Variants in NTM observed in about 807,000 individuals in gnomAD.
NTM encodes IgLON family member 2.
A neutral mutation model predicts 42.1 loss-of-function variants in NTM; 13 were observed. The observed-to-expected ratio is 0.31, with a 90% CI of 0.20 to 0.49. The LOEUF (loss-of-function observed/expected upper bound fraction) is 0.49, where lower values mean the gene tolerates loss of function less well. Among genes scored for constraint, NTM ranks in the 20% least tolerant of loss-of-function variants. The pLI is 0.99. For synonymous variants in NTM, 187 were observed against 179.2 expected, an observed-to-expected ratio of 1.04 and a Z score of -0.35; for missense variants, 373 against 452.8, an observed-to-expected ratio of 0.82 and a Z score of 1.60.
chr11:132,268,968 G>A (rs184363843), intron 4 of NTM, among the ~76,000 whole-genome samples: 107 of 152,080 alleles, frequency 7.0e-4, no homozygotes, highest in African/African-American at 2.3e-3. Flanking sequence ...GGGCATAATC[G>A]AAGGATCATC....
intron 4 of NTM, among the ~76,000 whole-genome samples, chr11:132,281,082 G>A (rs2093957085): frequency 6.6e-6 from 1 of 151,952 alleles, no homozygotes; most frequent in Non-Finnish European, 1.5e-5. Context: ...AATTTTATTT[G>A]GCATATGCTG....
chr11:132,084,528 A>G (rs1353718435), intron 2 of NTM, among the ~76,000 whole-genome samples: 1 of 152,218 alleles, frequency 6.6e-6, no homozygotes, highest in Non-Finnish European at 1.5e-5. Context: ...AGAGAGTTCA[A>G]GAAAGACAAC....
At position 131,610,246 on chromosome 11, in the gene NTM, G is replaced by A. The variant is rs1007483787; in HGVS notation, c.82+239358G>A. Among the ~76,000 whole-genome samples the A allele has an allele frequency of 9.8e-5, 15 of 152,322 alleles. No homozygotes were observed. The South Asian group carries it at 1.7e-3, about 17-fold the overall frequency. On this transcript the variant is annotated intron_variant, in intron 1 of 8. Coordinates refer to ENST00000683400, the MANE Select transcript of NTM (RefSeq NM_001352005.2). Reference sequence around the variant, plus strand: ...GTAAATGGAGTGCCTCCTCCACAGGGCAGGATGCTGCAAGCCCCTCATGGG... The same window carrying A: ...GTAAATGGAGTGCCTCCTCCACAGGACAGGATGCTGCAAGCCCCTCATGGG...
chr11:131,421,015 C>A (rs894249251), intron 1 of NTM, among the ~76,000 whole-genome samples: 1 of 152,056 alleles, frequency 6.6e-6, no homozygotes, highest in African/African-American at 2.4e-5. Flanking sequence ...TCATCCCAAG[C>A]AGATGGAGTG....
chr11:131,933,640 G>A, intron 2 of NTM, among the ~76,000 whole-genome samples: 1 of 151,872 alleles, frequency 6.6e-6, no homozygotes, highest in South Asian at 2.1e-4. Flanking sequence ...TATTAAGTTA[G>A]TGCTTTAGTG....
intron 2 of NTM, among the ~76,000 whole-genome samples, chr11:131,939,571 G>A (rs186985743): frequency 2.0e-5 from 3 of 152,178 alleles, no homozygotes; most frequent in South Asian, 2.1e-4. Context: ...GGAGTATGGC[G>A]CTGGAGAGCA....
intron 1 of NTM, among the ~76,000 whole-genome samples, chr11:131,467,209 A>G (rs1161613733): frequency 1.3e-5 from 2 of 152,262 alleles, no homozygotes; most frequent in African/African-American, 2.4e-5. Flanking sequence ...GTGGGGACAG[A>G]TGGGCCAAGA....
chr11:131,749,893 G>A (rs752338587), intron 1 of NTM, among the ~76,000 whole-genome samples: 3 of 152,190 alleles, frequency 2.0e-5, no homozygotes, highest in Non-Finnish European at 2.9e-5. Flanking sequence ...ATCGTTTTAT[G>A]TAGAGGATAC....
chr11:132,036,736 T>C (rs2076556304), intron 2 of NTM, among the ~76,000 whole-genome samples: 1 of 152,214 alleles, frequency 6.6e-6, no homozygotes, highest in Admixed American at 6.5e-5. Context: ...CATATTTGCT[T>C]GAATGACCTG....
chr11:132,014,050 AC>A (rs1182197979), intron 2 of NTM, among the ~76,000 whole-genome samples: 3 of 151,164 alleles, frequency 2.0e-5, no homozygotes, highest in Non-Finnish European at 4.4e-5. Context: ...CTTCCTCTCC[AC>A]CCCTTCACAG....
chr11:131,594,919 T>C (rs894566134), intron 1 of NTM, among the ~76,000 whole-genome samples: 11 of 152,220 alleles, frequency 7.2e-5, no homozygotes, highest in Non-Finnish European at 1.0e-4. Context: ...TCAGTAGCCA[T>C]GTGTCTTTAA....
chr11:131,611,375 G>T (rs2061450858), intron 1 of NTM, among the ~76,000 whole-genome samples: 1 of 152,162 alleles, frequency 6.6e-6, no homozygotes, highest in African/African-American at 2.4e-5. Flanking sequence ...CTAATTCCTG[G>T]CTCCTGCATG....
chr11:131,852,985 C>T (rs180899528), intron 1 of NTM, among the ~76,000 whole-genome samples: 22 of 151,456 alleles, frequency 1.5e-4, no homozygotes, highest in East Asian at 1.4e-3. Context: ...TATTCACCCA[C>T]GCATCCATCC....
chr11:132,125,625 G>A (rs1401432333), intron 2 of NTM, among the ~76,000 whole-genome samples: 1 of 31,930 alleles, frequency 3.1e-5, no homozygotes, highest in Non-Finnish European at 6.3e-5. Context: ...GTGTTTGGTG[G>A]TGTATGTGGT....
intron 4 of NTM, among the ~76,000 whole-genome samples, chr11:132,228,209 G>C (rs550713309): frequency 6.6e-6 from 1 of 152,146 alleles, no homozygotes; most frequent in Non-Finnish European, 1.5e-5. Context: ...GGGGAGTAGG[G>C]CTCTGGGGAA....
At chr11:131,958,787 C>A (rs375159829) in intron 2 of NTM, among the ~76,000 whole-genome samples, 1 of 152,144 alleles carries the variant, frequency 6.6e-6, no homozygotes, top group Non-Finnish European at 1.5e-5. Flanking sequence ...GTACTACTCT[C>A]GCGAGTTCTT....
At chr11:131,789,874 T>G (rs1384022410) in intron 1 of NTM, among the ~76,000 whole-genome samples, 2 of 139,592 alleles carry the variant, frequency 1.4e-5, no homozygotes, top group African/African-American at 2.7e-5. Flanking sequence ...GAGAATGGCG[T>G]GAACCCGGGA....
chr11:131,400,837 T>C (rs1472850119), intron 1 of NTM, among the ~76,000 whole-genome samples: 1 of 152,162 alleles, frequency 6.6e-6, no homozygotes, highest in African/African-American at 2.4e-5. Flanking sequence ...GTGTTATCAT[T>C]TGATCACTCT....
chr11:131,802,985 T>C (rs190835166), intron 1 of NTM, among the ~76,000 whole-genome samples: 60 of 152,274 alleles, frequency 3.9e-4, no homozygotes, highest in Non-Finnish European at 1.2e-4. Context: ...CTCCAGATTG[T>C]CGAGTACTGA....
Sources: gnomAD v4.1 joint callset for allele counts (sites outside exome capture counted in the v4.1 genomes callset) on GRCh38, gnomAD v4.1.1 for gene constraint, MANE v1.5 for transcripts, NCBI Gene and HGNC (gene_info 2026-07-23, HGNC 2026-07-21) for gene names.